RERE: variants seen among roughly 807,000 people sequenced by gnomAD.
The protein encoded by RERE is arginine-glutamic acid dipeptide repeats.
RERE carries 40 observed loss-of-function variants against 146.1 expected under a neutral mutation model. The ratio of observed to expected loss-of-function variants is 0.27; its 90% CI spans 0.21 to 0.36. RERE has a LOEUF of 0.36. RERE is among the 10% of genes least tolerant of loss of function. The pLI is 1.00. For synonymous variants in RERE, 1,003 were observed against 866.0 expected (o/e 1.16, Z -2.78); for missense variants, 1,933 against 2,138.7 (o/e 0.90, Z 1.90).
At chr1:8,714,727 A>G (rs1406189219) in intron 1 of RERE, among the ~76,000 whole-genome samples, 1 of 152,072 alleles carries the variant, frequency 6.6e-6, no homozygotes, top group Non-Finnish European at 1.5e-5. Flanking sequence ...ATAGATTAAT[A>G]TTTTCCATTA....
chr1:8,687,227 C>T (rs1639110193), intron 1 of RERE, among the ~76,000 whole-genome samples: 1 of 152,124 alleles, frequency 6.6e-6, no homozygotes, highest in Admixed American at 6.5e-5. Flanking sequence ...TGAGAGGGCA[C>T]GGGTGGCGCC....
intron 1 of RERE, among the ~76,000 whole-genome samples, chr1:8,661,037 G>C (rs901829093): frequency 7.9e-5 from 12 of 151,874 alleles, no homozygotes; most frequent in Admixed American, 5.9e-4. Flanking sequence ...ACCAACAAAA[G>C]GCACCATACC....
chr1:8,624,160 A>C, intron 3 of RERE, 150 bp downstream of exon 3: 1 of 628,202 alleles, frequency 1.6e-6, no homozygotes, highest in Non-Finnish European at 2.9e-6. Context: ...AGTAACCCTC[A>C]TTTCAGTGCT....
chr1:8,745,849 C>A (rs992656156), intron 1 of RERE, among the ~76,000 whole-genome samples: 1 of 152,146 alleles, frequency 6.6e-6, no homozygotes, highest in Non-Finnish European at 1.5e-5. Flanking sequence ...GTAGGAGAAT[C>A]GCTTGAGCCC....
At chr1:8,703,623 G>T (rs996151886) in intron 1 of RERE, among the ~76,000 whole-genome samples, 6 of 152,220 alleles carry the variant, frequency 3.9e-5, no homozygotes, top group African/African-American at 1.4e-4. Context: ...GGGAGCCTGC[G>T]TGATTGATGG....
At chr1:8,456,476 G>A (rs1207369156) in intron 11 of RERE, among the ~76,000 whole-genome samples, 4 of 152,168 alleles carry the variant, frequency 2.6e-5, no homozygotes, top group Non-Finnish European at 5.9e-5. Flanking sequence ...TTGACACAAT[G>A]AGCAGCTGCA....
intron 12 of RERE, among the ~76,000 whole-genome samples, chr1:8,366,602 C>T (rs1035098477): frequency 6.6e-6 from 1 of 152,162 alleles, no homozygotes; most frequent in African/African-American, 2.4e-5. Flanking sequence ...CCACATCTGA[C>T]ATGCCGGCAC....
intron 1 of RERE, among the ~76,000 whole-genome samples, chr1:8,705,359 A>G (rs1028004020): frequency 6.6e-6 from 1 of 152,094 alleles, no homozygotes; most frequent in Non-Finnish European, 1.5e-5. Flanking sequence ...CCCCAGGTAT[A>G]GGGATTTCTA....
At chr1:8,525,076 A>G (rs1645553677) in intron 7 of RERE, among the ~76,000 whole-genome samples, 1 of 152,246 alleles carries the variant, frequency 6.6e-6, no homozygotes, top group Admixed American at 6.5e-5. Flanking sequence ...AGAATTTTCC[A>G]TAAGCTCTAA....
At position 8,773,382 on chromosome 1, in the gene RERE, A is replaced by G. The variant is rs35987912; in HGVS notation, c.-145+43778T>C. Among the ~76,000 whole-genome samples the G allele has an allele frequency of 9.5e-3, 1,447 of 152,308 alleles. 11 individuals carry two copies. The highest frequency in any genetic ancestry group is 0.015 in the Non-Finnish European group (1,011 of 68,034). On this transcript the variant is annotated intron_variant, in intron 1 of 22. Coordinates refer to ENST00000400908, the MANE Select transcript of RERE (RefSeq NM_001042681.2). ...TATGTCTTCATAACAACTCTCAACC[A>G]AAGAAAGCAGATGCTGAAAGAAGGT...
At chr1:8,663,054 A>G (rs1341256232) in intron 1 of RERE, among the ~76,000 whole-genome samples, 1 of 152,234 alleles carries the variant, frequency 6.6e-6, no homozygotes, top group South Asian at 2.1e-4. Flanking sequence ...GGAAGATATA[A>G]AGGTAGCCAA....
At chr1:8,642,476 A>C (rs1424541287) in intron 2 of RERE, among the ~76,000 whole-genome samples, 1 of 152,220 alleles carries the variant, frequency 6.6e-6, no homozygotes, top group Non-Finnish European at 1.5e-5. Context: ...TTTCACTTGT[A>C]AGTCTAATTA....
chr1:8,731,040 GA>G (rs932599233), intron 1 of RERE, among the ~76,000 whole-genome samples: 11 of 151,962 alleles, frequency 7.2e-5, no homozygotes, highest in African/African-American at 1.4e-4. Context: ...AAATTTGAAG[GA>G]AAAAAATCAC....
intron 1 of RERE, among the ~76,000 whole-genome samples, chr1:8,711,543 A>T (rs563225437): frequency 2.0e-5 from 3 of 152,332 alleles, no homozygotes; most frequent in East Asian, 3.9e-4. Context: ...ATAGAGCGAT[A>T]CGTTGAAAAG....
chr1:8,804,811 T>C (rs538429846), intron 1 of RERE, among the ~76,000 whole-genome samples: 2 of 152,256 alleles, frequency 1.3e-5, no homozygotes, highest in South Asian at 4.1e-4. Flanking sequence ...GAAGGTAGCA[T>C]ACTGGTTCAG....
At position 8,541,199 on chromosome 1, in the gene RERE, A is replaced by G; in HGVS notation, c.830+15T>C. 1 of 1,384,836 alleles carries G rather than the reference A, an allele frequency of 7.2e-7. No individual in the cohort carries two copies. The highest frequency in any genetic ancestry group is 1.0e-6 in the Non-Finnish European group (1 of 977,052). The allele number at this position is 1,384,836 out of a possible 1,614,324, so 85.8% of individuals were successfully genotyped here. A position where few individuals can be genotyped will look rare whatever the true frequency, so the allele number is the denominator to read the frequency against. On this transcript the variant is annotated intron_variant, in intron 7 of 22. Transcript: ENST00000400908. The stretch of plus-strand genomic sequence containing the variant: ...AAAAGAGTTCTCAATGAATGGACAC[A>G]AGTGACTCACTTACCTTGTCTCAGG...
At chr1:8,385,968 TAAAAAAAAAA>T (rs34493389) in intron 12 of RERE, among the ~76,000 whole-genome samples, 160 of 9,488 alleles carry the variant, frequency 0.017, 5 homozygotes, top group African/African-American at 0.073. Context: ...GACTCCGTCT[TAAAAAAAAAA>T]AAAAAAAAAA....
intron 1 of RERE, among the ~76,000 whole-genome samples, chr1:8,673,802 G>A (rs1570593316): frequency 6.6e-6 from 1 of 152,116 alleles, no homozygotes; most frequent in East Asian, 1.9e-4. Flanking sequence ...GCAGCACTTT[G>A]GGAGCCAAGG....
intron 3 of RERE, among the ~76,000 whole-genome samples, chr1:8,619,038 T>C (rs1461922293): frequency 1.3e-5 from 2 of 152,144 alleles, no homozygotes; most frequent in African/African-American, 2.4e-5. Flanking sequence ...CTGCTCACAT[T>C]TGACAATGAA....
Sources: gnomAD v4.1 joint callset for allele counts (sites outside exome capture counted in the v4.1 genomes callset) on GRCh38, gnomAD v4.1.1 for gene constraint, MANE v1.5 for transcripts, NCBI Gene and HGNC (gene_info 2026-07-23, HGNC 2026-07-21) for gene names.